Variants in CES1 observed in about 807,000 individuals in gnomAD.
CES1 encodes the protein liver carboxylesterase 1.
CES1 carries 50 observed loss-of-function variants against 53.0 expected under a neutral mutation model. The observed-to-expected ratio is 0.94, with a 90% CI of 0.75 to 1.19. CES1 has a LOEUF of 1.19. CES1 is among the 50% of genes most tolerant of loss of function. CES1 has a pLI of 0.00. For missense variants in CES1, 534 were observed against 538.0 expected (o/e 0.99, Z 0.07); for synonymous variants, 202 against 210.1 (o/e 0.96, Z 0.33).
rs2031654173 is a variant in CES1 at position 55,810,763 on chromosome 16, T to C, written c.1171-99A>G. The C allele has an allele frequency of 2.7e-6, 4 of 1,492,742 alleles. No homozygotes were observed. In the Middle Eastern group the frequency reaches 5.1e-4, roughly 190 times the overall value. The allele number at this position is 1,492,742 out of a possible 1,614,324, so 92.5% of individuals were successfully genotyped here. A position where few individuals can be genotyped will look rare whatever the true frequency, so the allele number is the denominator to read the frequency against. ...CCTCAATGGTGAACCCCATAAGCCC[T>C]GTGCAACTCCCCGCTAGGGTGGAAA... On this transcript the variant is annotated intron_variant, in intron 10 of 13. Coordinates refer to ENST00000360526, the MANE Select transcript of CES1 (RefSeq NM_001025195.2).
chr16:55,823,305 A>T (rs200108499), intron 4 of CES1, among the ~76,000 whole-genome samples: 4,851 of 149,520 alleles, frequency 0.032, 3 homozygotes, highest in Middle Eastern at 0.1. Context: ...GTCTTGCAGG[A>T]TGAAGAGGTG....
In CES1 at chr16:55,821,342, T is replaced by C. The variant is rs780789378; in HGVS notation, c.693+26A>G. The C allele has an allele frequency of 7.4e-6, 12 of 1,613,898 alleles. No homozygotes were observed. The Admixed American group carries it at 1.5e-4, about 20-fold the overall frequency. On this transcript the variant is annotated intron_variant, in intron 5 of 13. Coordinates refer to ENST00000360526, the MANE Select transcript of CES1 (RefSeq NM_001025195.2). ...CATCAGCATCACATCAAGCGTGGGGTTGGGCCTGGTGACAGGAAAACTCAC... is the reference window on the plus strand; with the variant it reads ...CATCAGCATCACATCAAGCGTGGGGCTGGGCCTGGTGACAGGAAAACTCAC...
chr16:55,808,875 T>C (rs2031552558), intron 11 of CES1, among the ~76,000 whole-genome samples: 2 of 152,106 alleles, frequency 1.3e-5, no homozygotes, highest in South Asian at 4.1e-4. Context: ...TTTTAAAGTA[T>C]ATAGGACATG....
At chr16:55,809,555 C>G (rs145142593) in intron 11 of CES1, among the ~76,000 whole-genome samples, 2 of 152,242 alleles carry the variant, frequency 1.3e-5, no homozygotes, top group East Asian at 3.8e-4. Context: ...ACATCCCTAA[C>G]GTCATGCCCC....
At position 55,826,183 on chromosome 16, in the gene CES1, G is replaced by A. The variant is rs2032408698; in HGVS notation, c.373C>T (p.Pro125Ser). The change falls in exon 3 of 14, where the codon CCT becomes TCT. Residue 125 changes from proline to serine, a missense_variant. Coordinates refer to ENST00000360526, the MANE Select transcript of CES1 (RefSeq NM_001025195.2). Reference sequence around the variant, plus strand: ...CTGTTTTTCTTGGTCAAGTCAGCAGGAGTGTAAATATTGAGGTAAAGACAG... The same window carrying A: ...CTGTTTTTCTTGGTCAAGTCAGCAGAAGTGTAAATATTGAGGTAAAGACAG... ...EDCLYLNIYT[P>S]ADLTKKNRLP... The A allele has an allele frequency of 1.9e-6, 3 of 1,613,976 alleles. No individual in the cohort carries two copies. Among genetic ancestry groups the A allele is most frequent in the Non-Finnish European group, 2.5e-6 (3 of 1,179,862 alleles).
At chr16:55,826,569 T>C (rs113546683) in intron 2 of CES1, among the ~76,000 whole-genome samples, 19 of 152,318 alleles carry the variant, frequency 1.2e-4, no homozygotes, top group African/African-American at 4.1e-4. Context: ...GGGAGACCAC[T>C]AATACACTGA....
chr16:55,828,904 T>C lies in CES1; in HGVS notation c.123A>G (p.Leu41=), dbSNP rs1347183603. 6.2e-7 allele frequency: 1 copy of C among 1,614,172 alleles called. No individual in the cohort carries two copies. Among genetic ancestry groups the C allele is most frequent in the Non-Finnish European group, 8.5e-7 (1 of 1,180,024 alleles). The change falls in exon 2 of 14, where the codon TTA becomes TTG. Residue 41 remains leucine, a synonymous_variant. Transcript: ENST00000360526. Reference sequence around the variant, plus strand: ...TGGCCACAGGCTGTGCAAATCCTTCTAAGCTGACGAACTTCCCCAGCACTT... The same window carrying C: ...TGGCCACAGGCTGTGCAAATCCTTCCAAGCTGACGAACTTCCCCAGCACTT... ...HGKVLGKFVS[L]EGFAQPVAIF... is the part of the protein sequence containing the mutation.
At chr16:55,831,265 G>A (rs149118526) in intron 1 of CES1, among the ~76,000 whole-genome samples, 1 of 152,242 alleles carries the variant, frequency 6.6e-6, no homozygotes, top group African/African-American at 2.4e-5. Context: ...GAGCAAGAGG[G>A]CGAGGAACCA....
chr16:55,823,368 T>C (rs1434164837), intron 4 of CES1, among the ~76,000 whole-genome samples, 182 bp downstream of exon 4: 1 of 151,970 alleles, frequency 6.6e-6, no homozygotes, highest in Non-Finnish European at 1.5e-5. Context: ...ATGCAAAAGC[T>C]CAGAGGCAAG....
intron 9 of CES1, among the ~76,000 whole-genome samples, chr16:55,812,622 C>T (rs1258499435): frequency 6.6e-6 from 1 of 152,146 alleles, no homozygotes; most frequent in East Asian, 1.9e-4. Flanking sequence ...TTCCCATCTG[C>T]AGAGTTATTT....
rs1597089615 is a variant in CES1, at chr16:55,827,321, A to C, written c.261-1026T>G. On this transcript the variant is annotated intron_variant, in intron 2 of 13. Coordinates refer to ENST00000360526, the MANE Select transcript of CES1 (RefSeq NM_001025195.2). ...AATAATAATAATACATTCCAATGTG[A>C]AGAAAGGAAAAAAGAACTCACTGGT... Among the ~76,000 whole-genome samples, 3 of 133,966 alleles carry C rather than the reference A, an allele frequency of 2.2e-5. No homozygotes were observed. In the East Asian group the frequency reaches 6.0e-4, roughly 27 times the overall value. The allele number at this position is 133,966 out of a possible 152,430, so 87.9% of individuals were successfully genotyped here.
At chr16:55,817,528 G>A (rs1323162835) in intron 7 of CES1, among the ~76,000 whole-genome samples, 2 of 152,162 alleles carry the variant, frequency 1.3e-5, no homozygotes, top group Admixed American at 6.5e-5. Flanking sequence ...CTTCTCTTTG[G>A]TGTGTGTTCA....
Position 55,816,910 on chromosome 16 carries a change from C to G in CES1, c.945+14G>C, listed in dbSNP as rs1378487862. On this transcript the variant is annotated intron_variant, in intron 8 of 13. Transcript: ENST00000360526. ...AGACTCAAAACCCGTAATCCAGAAACAAAAGGTCCTTACCTCTCTGGGGTC... is the reference window on the plus strand; with the variant it reads ...AGACTCAAAACCCGTAATCCAGAAAGAAAAGGTCCTTACCTCTCTGGGGTC... The G allele has an allele frequency of 6.2e-7, 1 of 1,613,702 alleles. No individual in the cohort carries two copies. Among genetic ancestry groups the G allele is most frequent in the Non-Finnish European group, 8.5e-7 (1 of 1,179,740 alleles).
intron 3 of CES1, among the ~76,000 whole-genome samples, chr16:55,825,214 G>A (rs1289809230): frequency 6.8e-6 from 1 of 147,568 alleles, no homozygotes; most frequent in Non-Finnish European, 1.5e-5. Context: ...GAATGAATGA[G>A]TAAACCTTTC....
At chr16:55,817,626 G>A (rs2031996790) in intron 7 of CES1, among the ~76,000 whole-genome samples, 2 of 152,190 alleles carry the variant, frequency 1.3e-5, no homozygotes, top group South Asian at 4.1e-4. Context: ...CCTCCATTAA[G>A]GATTGAAGTC....
At position 55,828,959 on chromosome 16, in the gene CES1, G is replaced by A. The variant is rs142474691; in HGVS notation, c.68C>T (p.Ser23Leu). 2.7e-5 allele frequency: 43 copies of A among 1,610,544 alleles called. No individual in the cohort carries two copies. Among genetic ancestry groups the A allele is most frequent in the South Asian group, 2.4e-4 (22 of 90,242 alleles). The change falls in exon 2 of 14, where the codon TCG becomes TTG. Residue 23 changes from serine (S) to leucine (L), a missense_variant. Around this residue, in one of 5 missense-constraint regions of CES1, gnomAD observed 164 missense variants for 162.4 expected, o/e 1.01. Coordinates refer to ENST00000360526, the MANE Select transcript of CES1 (RefSeq NM_001025195.2). ...ASAAWAGHPS[S>L]PPVVDTVHGK... ...ATGCACGGTGTCCACCACAGGTGGCGAGGACGGATGCCCTGCTGGACATGG... is the reference window on the plus strand; with the variant it reads ...ATGCACGGTGTCCACCACAGGTGGCAAGGACGGATGCCCTGCTGGACATGG...
At position 55,812,927 on chromosome 16, in the gene CES1, C is replaced by T. The variant is rs750913401; in HGVS notation, c.1062G>A (p.Gln354=). The part of the protein sequence containing the change: ...TVPYMVGINK[Q]EFGWLIPMQL... Reference sequence around the variant, plus strand: ...CCATTGGAATCAACCAGCCAAACTCCTGCTTGTTAATTCCGACCATGTAGG... The same window carrying T: ...CCATTGGAATCAACCAGCCAAACTCTTGCTTGTTAATTCCGACCATGTAGG... Residue 354 remains glutamine (Q), a synonymous_variant, in exon 9 of 14, where the codon CAG becomes CAA. Transcript: ENST00000360526. The T allele has an allele frequency of 3.1e-6, 5 of 1,614,178 alleles. No homozygotes were observed. The highest frequency in any genetic ancestry group is 1.7e-4 in the Middle Eastern group (1 of 6,058).
At chr16:55,816,036 A>T (rs2031929166) in intron 8 of CES1, among the ~76,000 whole-genome samples, 1 of 152,268 alleles carries the variant, frequency 6.6e-6, no homozygotes, top group South Asian at 2.1e-4. Context: ...AGGCTTCTCC[A>T]GGTTTCCTGA....
At position 55,810,643 on chromosome 16, in the gene CES1, G is replaced by C. The variant is rs758236680; in HGVS notation, c.1192C>G (p.Pro398Ala). ...PLVCIAKELI[P>A]EATEKYLGGT... The stretch of plus-strand genomic sequence containing the variant: ...CCTAAGTATTTCTCAGTGGCTTCTG[G>C]AATCAGTTCCTTAGCAATGCACTGA... Residue 398 changes from proline (P) to alanine (A), a missense_variant, in exon 11 of 14, where the codon CCA becomes GCA. Pro to Ala is a conservative substitution (Grantham distance 27). Around this residue, in one of 5 missense-constraint regions of CES1, gnomAD observed 269 missense variants for 206.6 expected, o/e 1.30. Transcript: ENST00000360526. The C allele has an allele frequency of 2.4e-5, 38 of 1,614,020 alleles. No individual in the cohort carries two copies. Among genetic ancestry groups the C allele is most frequent in the Middle Eastern group, 3.3e-4 (2 of 6,084 alleles).
Sources: gnomAD v4.1 joint callset for allele counts (sites outside exome capture counted in the v4.1 genomes callset) on GRCh38, gnomAD v4.1.1 for gene constraint, gnomAD v4.1.1 regional missense constraint, MANE v1.5 for transcripts, NCBI Gene and HGNC (gene_info 2026-07-23, HGNC 2026-07-21) for gene names.